Variants in NRXN1 observed in about 807,000 individuals in gnomAD.
NRXN1 encodes neurexin 1.
A neutral mutation model predicts 150.9 loss-of-function variants in NRXN1; 39 were observed. That is an observed-to-expected ratio of 0.26 (90% CI 0.20 to 0.34). The LOEUF is 0.34. Among genes scored for constraint, NRXN1 ranks in the 10% least tolerant of loss-of-function variants. NRXN1 has a pLI of 1.00. For synonymous variants in NRXN1, 924 were observed against 757.0 expected (o/e 1.22, Z -3.62); for missense variants, 1,815 against 1,949.9 (o/e 0.93, Z 1.30).
intron 2 of NRXN1, among the ~76,000 whole-genome samples, chr2:51,011,909 G>A (rs1667937229): frequency 2.0e-5 from 3 of 152,006 alleles, no homozygotes; most frequent in African/African-American, 4.8e-5. Flanking sequence ...TGATGAGGGA[G>A]TATGAGAGCC....
At chr2:50,625,271 T>C (rs907088089) in intron 5 of NRXN1, among the ~76,000 whole-genome samples, 12 of 152,108 alleles carry the variant, frequency 7.9e-5, no homozygotes, top group African/African-American at 2.9e-4. Flanking sequence ...TGGCCATCAG[T>C]GGCTACAGGT....
At chr2:50,294,178 T>C (rs898648097) in intron 17 of NRXN1, among the ~76,000 whole-genome samples, 9 of 152,296 alleles carry the variant, frequency 5.9e-5, no homozygotes, top group African/African-American at 2.2e-4. Context: ...TGTCAATTTA[T>C]GGAGTAAAAT....
At chr2:50,983,577 T>C (rs533851193) in intron 2 of NRXN1, among the ~76,000 whole-genome samples, 14 of 152,262 alleles carry the variant, frequency 9.2e-5, no homozygotes, top group Admixed American at 3.9e-4. Flanking sequence ...TCAGTAACTA[T>C]TGGTAAACAC....
intron 5 of NRXN1, among the ~76,000 whole-genome samples, chr2:50,875,530 CT>C (rs973058404): frequency 1.3e-5 from 2 of 151,586 alleles, no homozygotes; most frequent in African/African-American, 4.8e-5. Context: ...CAATGCTTTT[CT>C]TTTTATGGTT....
chr2:50,936,314 A>C (rs1443408456), intron 2 of NRXN1, among the ~76,000 whole-genome samples: 1 of 152,194 alleles, frequency 6.6e-6, no homozygotes, highest in East Asian at 1.9e-4. Flanking sequence ...GCTTATTAAT[A>C]TTTATAATGA....
At chr2:50,472,831 A>G (rs3052515) in intron 15 of NRXN1, among the ~76,000 whole-genome samples, 22,817 of 55,412 alleles carry the variant, frequency 0.41, 3,303 homozygotes, top group African/African-American at 0.57. Flanking sequence ...GTGTGTGTGT[A>G]TATATATATA....
rs182893901 is a variant in NRXN1 at position 50,424,423 on chromosome 2, C to T, written c.3364+41019G>A. Among the ~76,000 whole-genome samples the T allele has an allele frequency of 2.5e-3, 377 of 151,538 alleles. 2 individuals carry two copies. Among genetic ancestry groups the T allele is most frequent in the Middle Eastern group, 6.8e-3 (2 of 292 alleles). On this transcript the variant is annotated intron_variant, in intron 17 of 22. Coordinates refer to ENST00000401669, the MANE Select transcript of NRXN1 (RefSeq NM_001330078.2). The stretch of plus-strand genomic sequence containing the variant: ...GCAAATCAGAGAGACGGTACCTGGA[C>T]CTAGAACCTCTGACATTTATGAGGA...
chr2:50,178,546 C>T (rs1246682739), intron 18 of NRXN1, among the ~76,000 whole-genome samples: 1 of 151,906 alleles, frequency 6.6e-6, no homozygotes, highest in Non-Finnish European at 1.5e-5. Flanking sequence ...CTTTCAGAGA[C>T]ATGTAACATT....
intron 17 of NRXN1, among the ~76,000 whole-genome samples, chr2:50,246,456 C>G (rs189425928): frequency 1.3e-5 from 2 of 152,104 alleles, no homozygotes; most frequent in Non-Finnish European, 1.5e-5. Context: ...AGGCTAAAAC[C>G]AGAACCTTAA....
intron 2 of NRXN1, among the ~76,000 whole-genome samples, chr2:50,967,389 A>G (rs1159883734): frequency 6.6e-6 from 1 of 151,920 alleles, no homozygotes; most frequent in Non-Finnish European, 1.5e-5. Flanking sequence ...CCATCATCTC[A>G]TCTGAATTCT....
chr2:50,091,172 G>T, intron 19 of NRXN1, 151 bp downstream of exon 19: 1 of 859,360 alleles, frequency 1.2e-6, no homozygotes, highest in Non-Finnish European at 1.9e-6. Context: ...AACAGTTTAG[G>T]ACAGCATTAC....
intron 17 of NRXN1, among the ~76,000 whole-genome samples, chr2:50,239,884 T>C (rs1390436172): frequency 6.7e-6 from 1 of 150,282 alleles, no homozygotes; most frequent in Admixed American, 6.7e-5. Flanking sequence ...CACAATACTT[T>C]TAAAAAGAGA....
intron 5 of NRXN1, among the ~76,000 whole-genome samples, chr2:50,830,443 C>G (rs1671253093): frequency 6.6e-6 from 1 of 151,104 alleles, no homozygotes; most frequent in South Asian, 2.1e-4. Flanking sequence ...CAACACTAAG[C>G]TAATTTAAAA....
In NRXN1 at chr2:50,610,642, CATATATATATATATATATAT is replaced by C. The variant is rs71404969; in HGVS notation, c.1320+9360_1320+9379del. 8.9e-4 allele frequency among the ~76,000 whole-genome samples: 38 copies of C among 42,876 alleles called. 2 individuals are homozygous for C. The South Asian group carries it at 0.01, about 11-fold the overall frequency. The allele number at this position is 42,876 out of a possible 152,430, so 28.1% of individuals were successfully genotyped here. Reference sequence around the variant, plus strand: ...GCCTGGCACATACTATAAATAGATACATATATATATATATATATATATATATATATATATATCTGTACAAA... The same window carrying C: ...GCCTGGCACATACTATAAATAGATACATATATATATATATATCTGTACAAA... On this transcript the variant is annotated intron_variant, in intron 8 of 22. Coordinates refer to ENST00000401669, the MANE Select transcript of NRXN1 (RefSeq NM_001330078.2).
At chr2:50,057,987 C>T (rs930887011) in intron 19 of NRXN1, among the ~76,000 whole-genome samples, 5 of 151,790 alleles carry the variant, frequency 3.3e-5, no homozygotes, top group African/African-American at 1.2e-4. Context: ...AAAAAAAGGT[C>T]TAAACAAGAC....
intron 5 of NRXN1, among the ~76,000 whole-genome samples, chr2:50,784,897 T>C (rs995748967): frequency 1.4e-4 from 22 of 152,100 alleles, no homozygotes; most frequent in African/African-American, 2.9e-4. Flanking sequence ...GGGATATCCA[T>C]GTGAGGGTTA....
chr2:50,047,674 C>T (rs1365231022), intron 21 of NRXN1, among the ~76,000 whole-genome samples: 1 of 151,402 alleles, frequency 6.6e-6, no homozygotes, highest in African/African-American at 2.4e-5. Context: ...TTCATGGTTC[C>T]CTTCCACACA....
chr2:49,951,438 T>C (rs574373344), intron 21 of NRXN1, among the ~76,000 whole-genome samples: 1 of 152,086 alleles, frequency 6.6e-6, no homozygotes, highest in South Asian at 2.1e-4. Flanking sequence ...CAAAATAAAT[T>C]AATATGAAAT....
At chr2:50,252,161 T>C (rs1288172806) in intron 17 of NRXN1, among the ~76,000 whole-genome samples, 1 of 147,304 alleles carries the variant, frequency 6.8e-6, no homozygotes, top group East Asian at 2.0e-4. Context: ...GTTTTTACAG[T>C]TTTGGGTTTT....
Sources: gnomAD v4.1 joint callset for allele counts (sites outside exome capture counted in the v4.1 genomes callset) on GRCh38, gnomAD v4.1.1 for gene constraint, MANE v1.5 for transcripts, NCBI Gene and HGNC (gene_info 2026-07-23, HGNC 2026-07-21) for gene names.